Variants in BEST3 observed in about 807,000 individuals in gnomAD.
The protein encoded by BEST3 is bestrophin 3, also known as bestrophin-3.
BEST3 carries 50 observed loss-of-function variants against 47.1 expected under a neutral mutation model. That is an observed-to-expected ratio of 1.06 (90% CI 0.85 to 1.34). The LOEUF is 1.34. Ranked by LOEUF, BEST3 falls within the 40% of genes most tolerant of loss-of-function variation. The pLI is 0.00. For synonymous variants in BEST3, 282 were observed against 298.8 expected, an observed-to-expected ratio of 0.94 and a Z score of 0.58; for missense variants, 765 against 817.0, an observed-to-expected ratio of 0.94 and a Z score of 0.78.
chr12:69,665,551 C>T (rs982453685), intron 9 of BEST3, among the ~76,000 whole-genome samples: 2 of 152,090 alleles, frequency 1.3e-5, no homozygotes, highest in African/African-American at 4.8e-5. Flanking sequence ...TGAGATCATG[C>T]CACTGCACTC....
chr12:69,677,160 C>T lies in BEST3; in HGVS notation c.714+20G>A. ...GGTAGGCAAGTAGAAATAAAGAATT[C>T]CATGAAAAGTATTTCTTACCTGGGT... On this transcript the variant is annotated intron_variant, in intron 6 of 9. Transcript: ENST00000330891. 1 of 1,613,590 alleles carries T rather than the reference C, an allele frequency of 6.2e-7. No individual in the cohort carries two copies.
chr12:69,684,146 C>T (rs1339681578), intron 4 of BEST3: 1 of 160,048 alleles, frequency 6.2e-6, no homozygotes, highest in Non-Finnish European at 1.4e-5. Flanking sequence ...CCCATCACAC[C>T]CCTGGCATAG....
intron 5 of BEST3, among the ~76,000 whole-genome samples, chr12:69,678,526 G>A (rs775491): frequency 0.35 from 53,548 of 151,862 alleles, 9,770 homozygotes; most frequent in East Asian, 0.5. Flanking sequence ...TGTTTAAAAC[G>A]CAGCTTCCAA....
At chr12:69,666,155 G>A (rs1168711291) in intron 9 of BEST3, among the ~76,000 whole-genome samples, 3 of 152,130 alleles carry the variant, frequency 2.0e-5, no homozygotes, top group Admixed American at 2.0e-4. Context: ...AAATAGCTGG[G>A]ACTACAGGTG....
At chr12:69,679,076 C>T (rs1465441603) in intron 4 of BEST3, among the ~76,000 whole-genome samples, 183 bp from the exon 5 acceptor site, 1 of 152,024 alleles carries the variant, frequency 6.6e-6, no homozygotes, top group Non-Finnish European at 1.5e-5. Context: ...TGTGAGCGCA[C>T]ATGCACACAC....
chr12:69,680,661 A>G (rs944937658), intron 4 of BEST3, among the ~76,000 whole-genome samples: 1 of 152,136 alleles, frequency 6.6e-6, no homozygotes, highest in Non-Finnish European at 1.5e-5. Flanking sequence ...CAAAAATCCC[A>G]AAGGGCCAAA....
chr12:69,696,493 C>A (rs751138971), intron 2 of BEST3, among the ~76,000 whole-genome samples: 1 of 152,058 alleles, frequency 6.6e-6, no homozygotes, highest in Non-Finnish European at 1.5e-5. Flanking sequence ...TTAGGTGATA[C>A]CTACCTAAAT....
chr12:69,675,662 C>T (rs556324374), intron 7 of BEST3, among the ~76,000 whole-genome samples: 15 of 152,332 alleles, frequency 9.8e-5, no homozygotes, highest in African/African-American at 2.2e-4. Flanking sequence ...AAATGAAAGT[C>T]ATTAGTCTCT....
chr12:69,649,074 A>G (rs1883130483), downstream of BEST3, among the ~76,000 whole-genome samples: 1 of 152,214 alleles, frequency 6.6e-6, no homozygotes, highest in South Asian at 2.1e-4. Context: ...AGTTCACTGC[A>G]ACCTCTGCCT....
chr12:69,656,369 A>ATCTG (rs141851704), intron 9 of BEST3, among the ~76,000 whole-genome samples: 126,789 of 150,040 alleles, frequency 0.85, 54,126 homozygotes, highest in Middle Eastern at 0.96. Context: ...CTATGAATCT[A>ATCTG]TCTGTCTGTC....
Position 69,654,122 on chromosome 12 carries a change from A to G in BEST3, c.*785T>C. The G allele has an allele frequency of 1.0e-6, 1 of 985,408 alleles. No homozygotes were observed. The highest frequency in any genetic ancestry group is 1.7e-5 in the African/African-American group (1 of 57,350). 61.0% of individuals were successfully genotyped at this position (985,408 alleles called of 1,614,324 possible). A position where few individuals can be genotyped will look rare whatever the true frequency, so the allele number is the denominator to read the frequency against. ...GCTGGATTTGTTGACACCTTTGATG[A>G]TTCTGTAGGAGGCTTTGCCAATGTC... On this transcript the variant is annotated 3_prime_UTR_variant, in exon 10 of 10. Transcript: ENST00000330891.
chr12:69,655,726 C>T lies in BEST3; in HGVS notation c.1188G>A (p.Lys396=), dbSNP rs764483966. 8 of 1,613,858 alleles carry T rather than the reference C, an allele frequency of 5.0e-6. No homozygotes were observed. In the East Asian group the frequency reaches 1.8e-4, roughly 36 times the overall value. The stretch of plus-strand genomic sequence containing the variant: ...GGTGTTCGTGGGCACTCAGGAACCG[C>T]TTGACTCTTCTTATCATGGAATGCC... ...GHRHSMIRRV[K]RFLSAHEHPS... is the part of the protein sequence containing the mutation. Residue 396 remains lysine (K), a synonymous_variant, in exon 10 of 10, where the codon AAG becomes AAA. Transcript: ENST00000330891.
At chr12:69,687,331 T>C (rs1270614519) in intron 4 of BEST3, 1 of 152,142 alleles carries the variant, frequency 6.6e-6, no homozygotes, top group Non-Finnish European at 1.5e-5. Context: ...CAAGAATCTT[T>C]ACATTAAGAT....
At position 69,670,292 on chromosome 12, in the gene BEST3, G is replaced by T. The variant is rs895705305; in HGVS notation, c.1100+1136C>A. On this transcript the variant is annotated intron_variant, in intron 9 of 9. Coordinates refer to ENST00000330891, the MANE Select transcript of BEST3 (RefSeq NM_032735.3). ...CTCTGGCCTGGAAGGAGCCCTGGGT[G>T]GGTGGGTCTGGTCTTAGAAGGCTAG... is the stretch of plus-strand genomic sequence containing the variant. 1.7e-4 allele frequency: 103 copies of T among 605,306 alleles called. No homozygotes were observed. In the East Asian group the frequency reaches 2.8e-3, roughly 16 times the overall value. 37.5% of individuals were successfully genotyped at this position (605,306 alleles called of 1,614,324 possible). A position where few individuals can be genotyped will look rare whatever the true frequency, so the allele number is the denominator to read the frequency against.
At chr12:69,675,501 G>A (rs1884857236) in intron 7 of BEST3, among the ~76,000 whole-genome samples, 2 of 152,182 alleles carry the variant, frequency 1.3e-5, no homozygotes, top group South Asian at 4.1e-4. Flanking sequence ...TTTATGGGCT[G>A]GTCAAGCACC....
intron 9 of BEST3, among the ~76,000 whole-genome samples, chr12:69,657,658 A>C (rs1310775821): frequency 6.6e-6 from 1 of 152,184 alleles, no homozygotes; most frequent in Non-Finnish European, 1.5e-5. Context: ...CTCTGGTGAC[A>C]AGATGCCGGG....
chr12:69,683,083 T>C (rs1885350267), intron 4 of BEST3, among the ~76,000 whole-genome samples: 1 of 152,248 alleles, frequency 6.6e-6, no homozygotes, highest in Non-Finnish European at 1.5e-5. Context: ...ACTTTATCTC[T>C]GGTTATTTTT....
chr12:69,694,232 T>C (rs1383864972), intron 3 of BEST3, 138 bp downstream of exon 3: 2 of 621,334 alleles, frequency 3.2e-6, no homozygotes, highest in African/African-American at 3.7e-5. Context: ...GCAAACCTTA[T>C]GGATGATTCT....
Position 69,677,247 on chromosome 12 carries a change from C to A in BEST3, c.647G>T (p.Arg216Leu). 1.2e-6 allele frequency: 2 copies of A among 1,611,474 alleles called. No homozygotes were observed. The highest frequency in any genetic ancestry group is 1.1e-5 in the South Asian group (1 of 90,556). The change falls in exon 6 of 10, where the codon CGA becomes CTA. Residue 216 changes from arginine to leucine, a missense_variant. Coordinates refer to ENST00000330891, the MANE Select transcript of BEST3 (RefSeq NM_032735.3). ...TAAGAGGCTGCACCAAGAGCGGTATCGATTCATTTCCTAAGCCAGAAACAG... is the reference window on the plus strand; with the variant it reads ...TAAGAGGCTGCACCAAGAGCGGTATAGATTCATTTCCTAAGCCAGAAACAG... Reference protein sequence around the residue: ...DLQSLMTEMNRYRSWCSLLFG... With the variant: ...DLQSLMTEMNLYRSWCSLLFG...
Sources: gnomAD v4.1 joint callset for allele counts (sites outside exome capture counted in the v4.1 genomes callset) on GRCh38, gnomAD v4.1.1 for gene constraint, MANE v1.5 for transcripts, NCBI Gene and HGNC (gene_info 2026-07-23, HGNC 2026-07-21) for gene names.